The following ADD1 variants were observed in gnomAD, a reference collection of about 807,000 sequenced individuals.
ADD1 encodes the protein adducin 1.
In ADD1, 24 loss-of-function variants were observed where a neutral mutation model predicts 80.5. The ratio of observed to expected loss-of-function variants is 0.30; its 90% CI spans 0.22 to 0.42. ADD1 has a LOEUF of 0.42. ADD1 is among the 10% of genes least tolerant of loss of function. The pLI is 1.00. For missense variants in ADD1, 948 were observed against 1,019.0 expected (o/e 0.93, Z 0.95); for synonymous variants, 373 against 393.8 (o/e 0.95, Z 0.63).
At chr4:2,854,081 G>A (rs899045290) in intron 1 of ADD1, among the ~76,000 whole-genome samples, 1 of 152,128 alleles carries the variant, frequency 6.6e-6, no homozygotes, top group African/African-American at 2.4e-5. Flanking sequence ...CAGCACTTTA[G>A]GAGGCTGAGG....
chr4:2,899,449 C>T lies in ADD1; in HGVS notation c.1161+14C>T, dbSNP rs1735805067. ...CTCGATAATCTGGTAAGAATGGTGCCACCACTTGATGATAAACCTTTTGTT... is the reference window on the plus strand; with the variant it reads ...CTCGATAATCTGGTAAGAATGGTGCTACCACTTGATGATAAACCTTTTGTT... On this transcript the variant is annotated intron_variant, in intron 9 of 15. Transcript: ENST00000683351. 3 of 1,614,002 alleles carry T rather than the reference C, an allele frequency of 1.9e-6. No individual in the cohort carries two copies. The highest frequency in any genetic ancestry group is 2.2e-5 in the East Asian group (1 of 44,882).
At chr4:2,847,736 A>T (rs1170037624) in intron 1 of ADD1, among the ~76,000 whole-genome samples, 1 of 152,218 alleles carries the variant, frequency 6.6e-6, no homozygotes, top group African/African-American at 2.4e-5. Context: ...ATCAATCAAT[A>T]TATGCTAGAA....
rs397977363 is a variant in ADD1, at chr4:2,894,525, A to AT, written c.592-57_592-56insT. Reference sequence around the variant, plus strand: ...GACCCTATCAAAAAAAAAAAAAAAAAGAAAAGAAAAAATGAAGTCCTCTTG... The same window carrying AT: ...GACCCTATCAAAAAAAAAAAAAAAAATGAAAAGAAAAAATGAAGTCCTCTTG... On this transcript the variant is annotated intron_variant, in intron 5 of 15. Transcript: ENST00000683351. 3.1e-4 allele frequency: 460 copies of AT among 1,461,666 alleles called. No individual in the cohort carries two copies. The African/African-American group carries it at 6.2e-3, about 20-fold the overall frequency. The allele number at this position is 1,461,666 out of a possible 1,614,324, so 90.5% of individuals were successfully genotyped here.
chr4:2,924,493 A>C (rs1043901686), intron 14 of ADD1, among the ~76,000 whole-genome samples: 10 of 152,184 alleles, frequency 6.6e-5, no homozygotes, highest in African/African-American at 2.4e-4. Context: ...CTGAAACCTC[A>C]GTGTGCTTCT....
chr4:2,894,832 C>G, intron 6 of ADD1, 101 bp downstream of exon 6: 1 of 1,277,482 alleles, frequency 7.8e-7, no homozygotes. Flanking sequence ...GTCAGTAAAA[C>G]TAATTTTGTT....
chr4:2,870,556 C>T (rs757757745), intron 1 of ADD1, among the ~76,000 whole-genome samples: 1 of 152,144 alleles, frequency 6.6e-6, no homozygotes, highest in Non-Finnish European at 1.5e-5. Flanking sequence ...CTTAGTCTGT[C>T]CAGCTAGCAA....
chr4:2,920,246 C>A (rs1739771587), intron 14 of ADD1, among the ~76,000 whole-genome samples: 3 of 152,182 alleles, frequency 2.0e-5, no homozygotes, highest in Non-Finnish European at 2.9e-5. Context: ...GAGTGTTTTA[C>A]TTCCAATTAG....
chr4:2,845,498 C>G lies in ADD1; in HGVS notation c.-21+1474C>G, dbSNP rs150312592. 1.1e-3 allele frequency among the ~76,000 whole-genome samples: 166 copies of G among 152,284 alleles called. 1 individual carries two copies. The highest frequency in any genetic ancestry group is 3.6e-3 in the Admixed American group (55 of 15,300). ...CTTTTCAGAGTTTCGATGTGGTTTA[C>G]AATGGTATGGACAGCTGGTATGATT... On this transcript the variant is annotated intron_variant, in intron 1 of 15. Coordinates refer to ENST00000683351, the MANE Select transcript of ADD1 (RefSeq NM_001354761.2).
chr4:2,885,834 T>A (rs535690651), intron 4 of ADD1, among the ~76,000 whole-genome samples: 1 of 152,020 alleles, frequency 6.6e-6, no homozygotes, highest in Non-Finnish European at 1.5e-5. Flanking sequence ...ATGGTCTCGA[T>A]CTCCTGACCT....
chr4:2,928,187 G>A lies in ADD1; in HGVS notation c.2064G>A (p.Pro688=), dbSNP rs371407792. 37 of 1,613,858 alleles carry A rather than the reference G, an allele frequency of 2.3e-5. No homozygotes were observed. In the African/African-American group the frequency reaches 2.4e-4, roughly 10 times the overall value. The change falls in exon 16 of 16, where the codon CCG becomes CCA. Residue 688 remains proline (P), a synonymous_variant. Coordinates refer to ENST00000683351, the MANE Select transcript of ADD1 (RefSeq NM_001354761.2). The stretch of plus-strand genomic sequence containing the variant: ...ACCCACTAGACCTTGTGCCGGAGCC[G>A]ACTACTGGAGATGACAGTGATGCTG... ...IKLEEDLVPE[P]TTGDDSDAAT... is the part of the protein sequence containing the mutation.
At chr4:2,852,207 C>CCTTCCTTTCCTTTCCTTT (rs1727294915) in intron 1 of ADD1, among the ~76,000 whole-genome samples, 1 of 66,102 alleles carries the variant, frequency 1.5e-5, no homozygotes, top group South Asian at 5.4e-4. Flanking sequence ...TCCTTTCTTT[C>CCTTCCTTTCCTTTCCTTT]CTTTCCTTTC....
chr4:2,852,847 A>C (rs1577424482), intron 1 of ADD1, among the ~76,000 whole-genome samples: 1 of 150,530 alleles, frequency 6.6e-6, no homozygotes, highest in Non-Finnish European at 1.5e-5. Context: ...CTGCAGACCC[A>C]CCCCACCACA....
intron 1 of ADD1, among the ~76,000 whole-genome samples, chr4:2,857,366 C>T (rs1728237744): frequency 6.6e-6 from 1 of 152,200 alleles, no homozygotes; most frequent in Non-Finnish European, 1.5e-5. Flanking sequence ...GTCCCAGCTA[C>T]TCAAGAGGCT....
In ADD1 at chr4:2,883,732, C is replaced by T. The variant is rs142499718; in HGVS notation, c.359-783C>T. 2.5e-3 allele frequency among the ~76,000 whole-genome samples: 385 copies of T among 151,776 alleles called. 5 individuals are homozygous for T. The highest frequency in any genetic ancestry group is 8.3e-3 in the African/African-American group (344 of 41,350). On this transcript the variant is annotated intron_variant, in intron 3 of 15. Coordinates refer to ENST00000683351, the MANE Select transcript of ADD1 (RefSeq NM_001354761.2). Reference sequence around the variant, plus strand: ...TGTCGCCTGGGCTGCAGTGCAGTGGCGTGATCTTGGCTCACTGTAAGCTCC... The same window carrying T: ...TGTCGCCTGGGCTGCAGTGCAGTGGTGTGATCTTGGCTCACTGTAAGCTCC...
intron 2 of ADD1, among the ~76,000 whole-genome samples, chr4:2,880,455 C>A (rs547076018): frequency 2.6e-3 from 225 of 87,540 alleles, no homozygotes; most frequent in African/African-American, 8.3e-3. Context: ...CAAGATATTT[C>A]TTTCTTTCTT....
chr4:2,862,143 C>T (rs1728910157), intron 1 of ADD1, among the ~76,000 whole-genome samples: 1 of 152,152 alleles, frequency 6.6e-6, no homozygotes, highest in Admixed American at 6.6e-5. Context: ...AGACTCACAG[C>T]AGTAGCTGGA....
chr4:2,921,083 C>A (rs1378994724), intron 14 of ADD1, among the ~76,000 whole-genome samples: 1 of 152,134 alleles, frequency 6.6e-6, no homozygotes, highest in African/African-American at 2.4e-5. Flanking sequence ...TTTATTTCTC[C>A]TTCACTTACG....
In ADD1 at chr4:2,894,609, G is replaced by T; in HGVS notation, c.619G>T (p.Val207Leu). Residue 207 changes from valine (V) to leucine (L), a missense_variant, in exon 6 of 16, where the codon GTA becomes TTA. Physicochemically the swap from Val to Leu is conservative, Grantham distance 32. Coordinates refer to ENST00000683351, the MANE Select transcript of ADD1 (RefSeq NM_001354761.2). ...LVKINLQGDI[V>L]DRGSTNLGVN... ...TAAGATCAATCTACAAGGAGATATA[G>T]TAGATCGTGGAAGCACTAATCTGGG... 1 of 1,609,078 alleles carries T rather than the reference G, an allele frequency of 6.2e-7. No homozygotes were observed. The highest frequency in any genetic ancestry group is 8.5e-7 in the Non-Finnish European group (1 of 1,178,354).
At chr4:2,896,556 A>G (rs1007852807) in intron 6 of ADD1, among the ~76,000 whole-genome samples, 3 of 151,996 alleles carry the variant, frequency 2.0e-5, no homozygotes, top group African/African-American at 4.8e-5. Context: ...TTGGATGAAC[A>G]TTACCTCTGG....
Sources: allele counts gnomAD v4.1 joint callset (sites outside exome capture counted in the v4.1 genomes callset), GRCh38; gene constraint gnomAD v4.1.1; transcripts MANE v1.5; gene names NCBI Gene and HGNC (gene_info 2026-07-23, HGNC 2026-07-21).